Variants in TAFA2 observed in about 807,000 individuals in gnomAD.
TAFA2 encodes the protein TAFA chemokine like family member 2.
TAFA2 carries 7 observed loss-of-function variants against 18.8 expected under a neutral mutation model. The ratio of observed to expected loss-of-function variants is 0.37; its 90% confidence interval spans 0.21 to 0.70. The LOEUF (loss-of-function observed/expected upper bound fraction) is 0.70, where lower values mean the gene tolerates loss of function less well. Among genes scored for constraint, TAFA2 ranks in the 30% least tolerant of loss-of-function variants. TAFA2 has a pLI of 0.53. For synonymous variants in TAFA2, 60 were observed against 54.2 expected (o/e 1.11, Z -0.47); for missense variants, 122 against 158.1 (o/e 0.77, Z 1.23).
intron 1 of TAFA2, among the ~76,000 whole-genome samples, chr12:62,060,243 T>C (rs910775209): frequency 2.6e-5 from 4 of 152,220 alleles, no homozygotes; most frequent in South Asian, 2.1e-4. Flanking sequence ...TCTAGGAATG[T>C]TGCAAATAAT....
At chr12:61,811,766 T>G (rs1871879650) in intron 2 of TAFA2, among the ~76,000 whole-genome samples, 1 of 151,214 alleles carries the variant, frequency 6.6e-6, no homozygotes, top group East Asian at 1.9e-4. Flanking sequence ...TAAAAGCCCT[T>G]TCAAGTGGAC....
intron 1 of TAFA2, among the ~76,000 whole-genome samples, chr12:62,226,194 CTTT>C (rs148187631): frequency 1.5e-5 from 2 of 134,584 alleles, no homozygotes. Flanking sequence ...CTTGATTACT[CTTT>C]TTTTTTTTTT....
chr12:62,146,710 A>G (rs1342303700), intron 1 of TAFA2, among the ~76,000 whole-genome samples: 1 of 152,138 alleles, frequency 6.6e-6, no homozygotes, highest in Non-Finnish European at 1.5e-5. Context: ...ACATCCTGTT[A>G]CAAATAGAAA....
At chr12:61,820,931 G>A (rs1006883578) in intron 2 of TAFA2, among the ~76,000 whole-genome samples, 27 of 151,934 alleles carry the variant, frequency 1.8e-4, no homozygotes, top group African/African-American at 6.5e-4. Context: ...ACATTGGACA[G>A]GTGTATCCAT....
At chr12:62,221,262 G>GAAGTAAGT (rs1555199021) in intron 1 of TAFA2, among the ~76,000 whole-genome samples, 35 of 142,774 alleles carry the variant, frequency 2.5e-4, no homozygotes, top group South Asian at 6.9e-4. Flanking sequence ...AGGAAGGAAG[G>GAAGTAAGT]AAGTTTGAAA....
chr12:61,883,480 T>C lies in TAFA2; in HGVS notation c.-1-16054A>G, dbSNP rs1185746625. ...CAAAACAGCTATTACGAAGTTCTTATTTTATGCAAGGCCCCACAGTGGACA... is the reference window on the plus strand; with the variant it reads ...CAAAACAGCTATTACGAAGTTCTTACTTTATGCAAGGCCCCACAGTGGACA... On this transcript the variant is annotated intron_variant, in intron 1 of 4. Coordinates refer to ENST00000416284, the MANE Select transcript of TAFA2 (RefSeq NM_178539.5). 4.6e-5 allele frequency among the ~76,000 whole-genome samples: 7 copies of C among 152,178 alleles called. No individual in the cohort carries two copies. The East Asian group carries it at 1.3e-3, about 29-fold the overall frequency.
chr12:62,191,268 C>T lies in TAFA2; in HGVS notation c.-11G>A, dbSNP rs1016506758. 3 of 152,198 alleles carry T rather than the reference C, an allele frequency of 2.0e-5. No homozygotes were observed. Among genetic ancestry groups the T allele is most frequent in the Non-Finnish European group, 4.4e-5 (3 of 68,038 alleles). The allele number at this position is 152,198 out of a possible 1,614,324, so 9.4% of individuals were successfully genotyped here. On this transcript the variant is annotated 5_prime_UTR_variant, in exon 1 of 5. Transcript: ENST00000416284. ...CGCGGCTCGCACCTACCTGCAGCCC[C>T]GCTTCCCGGTGGCGGCAACACCTAG...
chr12:61,818,703 T>C (rs1297134163), intron 2 of TAFA2, among the ~76,000 whole-genome samples: 2 of 152,186 alleles, frequency 1.3e-5, no homozygotes, highest in Non-Finnish European at 2.9e-5. Context: ...GAACACATGA[T>C]AGTCTTAATA....
intron 1 of TAFA2, among the ~76,000 whole-genome samples, chr12:62,238,642 T>G (rs2062848559): frequency 6.6e-6 from 1 of 152,230 alleles, no homozygotes; most frequent in Non-Finnish European, 1.5e-5. Context: ...AACCTTCAAT[T>G]TATAAATCTG....
intron 1 of TAFA2, among the ~76,000 whole-genome samples, chr12:62,034,709 A>C (rs1346445211): frequency 1.3e-5 from 2 of 152,146 alleles, no homozygotes; most frequent in East Asian, 3.9e-4. Flanking sequence ...ATTTCTCCAT[A>C]GTCAATAATA....
Position 62,191,760 on chromosome 12 carries a change from T to C in TAFA2, c.-503A>G, listed in dbSNP as rs2062626455. On this transcript the variant is annotated 5_prime_UTR_variant, in exon 1 of 5. Coordinates refer to ENST00000416284, the MANE Select transcript of TAFA2 (RefSeq NM_178539.5). Reference sequence around the variant, plus strand: ...ATTACCGCTCTTATTCCATCTCTGATTTGTTTGCTTTTAAGGCCGACTAAA... The same window carrying C: ...ATTACCGCTCTTATTCCATCTCTGACTTGTTTGCTTTTAAGGCCGACTAAA... 1 of 152,308 alleles carries C rather than the reference T, an allele frequency of 6.6e-6. No homozygotes were observed. The highest frequency in any genetic ancestry group is 6.5e-5 in the Admixed American group (1 of 15,286). The allele number at this position is 152,308 out of a possible 1,614,324, so 9.4% of individuals were successfully genotyped here. A position where few individuals can be genotyped will look rare whatever the true frequency, so the allele number is the denominator to read the frequency against.
chr12:62,010,723 G>A (rs577423082), intron 1 of TAFA2, among the ~76,000 whole-genome samples: 19 of 143,404 alleles, frequency 1.3e-4, no homozygotes, highest in South Asian at 2.3e-4. Context: ...CTGCCCGGCC[G>A]CCCCGTCTGG....
chr12:62,112,627 C>T (rs997951872), intron 1 of TAFA2, among the ~76,000 whole-genome samples: 4 of 152,096 alleles, frequency 2.6e-5, no homozygotes, highest in African/African-American at 4.8e-5. Context: ...ACCAATGAAA[C>T]GTAGGTTTGG....
intron 1 of TAFA2, among the ~76,000 whole-genome samples, chr12:62,169,694 AC>A (rs2062463748): frequency 6.6e-6 from 1 of 152,020 alleles, no homozygotes; most frequent in African/African-American, 2.4e-5. Flanking sequence ...TACTAAAAAT[AC>A]AAAAAATTAG....
At chr12:61,736,538 T>C (rs2120678832) in intron 4 of TAFA2, among the ~76,000 whole-genome samples, 1 of 152,176 alleles carries the variant, frequency 6.6e-6, no homozygotes, top group South Asian at 2.1e-4. Context: ...GCTTAGACTG[T>C]CTTCTTTCTA....
chr12:62,022,065 C>T (rs1420326811), intron 1 of TAFA2: 3 of 559,146 alleles, frequency 5.4e-6, no homozygotes, highest in Non-Finnish European at 1.0e-5. Flanking sequence ...TCTGGAAAAC[C>T]AAACCTCTTC....
chr12:62,076,003 A>G (rs1490820096), intron 1 of TAFA2, among the ~76,000 whole-genome samples: 1 of 152,224 alleles, frequency 6.6e-6, no homozygotes, highest in Non-Finnish European at 1.5e-5. Context: ...AATATTACTC[A>G]GTTATCAATT....
At chr12:61,761,472 C>A (rs1869544846) in intron 2 of TAFA2, among the ~76,000 whole-genome samples, 1 of 151,874 alleles carries the variant, frequency 6.6e-6, no homozygotes. Flanking sequence ...TAGTTACTGG[C>A]CATAGCTTAA....
chr12:62,218,167 T>A (rs1229153841), intron 1 of TAFA2, among the ~76,000 whole-genome samples: 2 of 151,920 alleles, frequency 1.3e-5, no homozygotes, highest in Non-Finnish European at 2.9e-5. Context: ...GGCTAACTTT[T>A]TAAATTTTTA....
Sources: allele counts gnomAD v4.1 joint callset (sites outside exome capture counted in the v4.1 genomes callset), GRCh38; gene constraint gnomAD v4.1.1; transcripts MANE v1.5; gene names NCBI Gene and HGNC (gene_info 2026-07-23, HGNC 2026-07-21).